Variants in AGBL1 observed in about 807,000 individuals in gnomAD.
The protein encoded by AGBL1 is AGBL carboxypeptidase 1, also known as cytosolic carboxypeptidase 4.
AGBL1 carries 130 observed loss-of-function variants against 118.9 expected under a neutral mutation model. That is an observed-to-expected ratio of 1.09 (90% CI 0.95 to 1.26). The LOEUF (loss-of-function observed/expected upper bound fraction) is 1.26. Ranked by LOEUF, AGBL1 falls within the 50% of genes most tolerant of loss-of-function variation. AGBL1 has a pLI of 0.00. For synonymous variants in AGBL1, 555 were observed against 478.9 expected, an observed-to-expected ratio of 1.16 and a Z score of -2.08; for missense variants, 1,584 against 1,298.1, an observed-to-expected ratio of 1.22 and a Z score of -3.38.
chr15:86,477,294 G>A (rs941612226), intron 18 of AGBL1, among the ~76,000 whole-genome samples: 1 of 152,066 alleles, frequency 6.6e-6, no homozygotes, highest in Non-Finnish European at 1.5e-5. Context: ...GAATCCAGGA[G>A]CTGGTTTTTT....
At chr15:86,414,761 C>G (rs1263831274) in intron 18 of AGBL1, among the ~76,000 whole-genome samples, 2 of 152,158 alleles carry the variant, frequency 1.3e-5, no homozygotes, top group African/African-American at 4.8e-5. Context: ...GATCACTCAA[C>G]TTGGGCAATG....
At chr15:86,826,333 G>A (rs1021341260) in intron 22 of AGBL1, among the ~76,000 whole-genome samples, 2 of 152,130 alleles carry the variant, frequency 1.3e-5, no homozygotes, top group African/African-American at 2.4e-5. Context: ...GGTAAAGTCC[G>A]AGGGATGCAG....
chr15:86,167,967 A>G (rs1410713476), intron 5 of AGBL1, among the ~76,000 whole-genome samples: 2 of 152,240 alleles, frequency 1.3e-5, no homozygotes, highest in Non-Finnish European at 2.9e-5. Flanking sequence ...GAATTAGTAG[A>G]GATCAGGTCT....
At chr15:86,949,970 A>T (rs117386016) in intron 23 of AGBL1, among the ~76,000 whole-genome samples, 1,526 of 152,176 alleles carry the variant, frequency 0.01, 10 homozygotes, top group Non-Finnish European at 0.015. Flanking sequence ...ATTACAGTGG[A>T]ATCAAGCTAT....
chr15:86,376,833 G>T (rs891933211), intron 17 of AGBL1, among the ~76,000 whole-genome samples: 2 of 152,226 alleles, frequency 1.3e-5, no homozygotes, highest in East Asian at 1.9e-4. Flanking sequence ...GGCACAGGGG[G>T]TCTCCTCTAT....
chr15:86,953,975 T>C (rs2080905268), intron 23 of AGBL1, among the ~76,000 whole-genome samples: 1 of 152,032 alleles, frequency 6.6e-6, no homozygotes, highest in Non-Finnish European at 1.5e-5. Flanking sequence ...CAACAAACAT[T>C]TGAAAAAATG....
At chr15:86,305,895 C>G (rs1204506390) in intron 17 of AGBL1, among the ~76,000 whole-genome samples, 1 of 152,160 alleles carries the variant, frequency 6.6e-6, no homozygotes, top group Non-Finnish European at 1.5e-5. Flanking sequence ...TCTGTGCTAC[C>G]ACTTTACACT....
At chr15:86,172,658 G>A (rs554747169) in intron 5 of AGBL1, among the ~76,000 whole-genome samples, 1 of 152,274 alleles carries the variant, frequency 6.6e-6, no homozygotes, top group South Asian at 2.1e-4. Context: ...ATCCATCCAT[G>A]TTGCTGCAAA....
At chr15:86,743,733 T>A (rs971345488) in intron 22 of AGBL1, among the ~76,000 whole-genome samples, 1 of 152,100 alleles carries the variant, frequency 6.6e-6, no homozygotes, top group Non-Finnish European at 1.5e-5. Context: ...CTGAAAAATA[T>A]CTGAGAGCTT....
At chr15:86,175,524 C>T (rs1436369142) in intron 5 of AGBL1, among the ~76,000 whole-genome samples, 1 of 151,336 alleles carries the variant, frequency 6.6e-6, no homozygotes. Context: ...CTTTATTATT[C>T]CTTTCTTTCT....
chr15:86,495,428 A>T (rs138002564), intron 18 of AGBL1, among the ~76,000 whole-genome samples: 2 of 150,238 alleles, frequency 1.3e-5, no homozygotes, highest in South Asian at 2.1e-4. Flanking sequence ...AAGAAATTTC[A>T]TTAAAAAAAC....
Position 86,390,660 on chromosome 15 carries a change from ATTT to A in AGBL1, c.2375-6682_2375-6680del, listed in dbSNP as rs756052402. ...AGGCAGAAAAGTTATATACTGTATG[ATTT>A]TTTTTTTTTTTTTTTTTTTTTTTGA... On this transcript the variant is annotated intron_variant, in intron 17 of 22. Coordinates refer to ENST00000614907, the MANE Select transcript of AGBL1 (RefSeq NM_001386094.1). Among the ~76,000 whole-genome samples, 23 of 75,474 alleles carry A rather than the reference ATTT, an allele frequency of 3.0e-4. No homozygotes were observed. In the East Asian group the frequency reaches 3.1e-3, roughly 10 times the overall value. 49.5% of individuals were successfully genotyped at this position (75,474 alleles called of 152,430 possible). A position where few individuals can be genotyped will look rare whatever the true frequency, so the allele number is the denominator to read the frequency against.
intron 5 of AGBL1, among the ~76,000 whole-genome samples, chr15:86,222,238 T>C (rs1158670453): frequency 2.0e-5 from 3 of 152,214 alleles, no homozygotes; most frequent in African/African-American, 7.2e-5. Flanking sequence ...TCCTGAATTC[T>C]GTATGATGTT....
intron 23 of AGBL1, among the ~76,000 whole-genome samples, chr15:86,932,679 A>C (rs2080619607): frequency 6.6e-6 from 1 of 152,172 alleles, no homozygotes; most frequent in African/African-American, 2.4e-5. Context: ...ATCGCTTTGC[A>C]ATGACATCAA....
In AGBL1 at chr15:86,381,971, C is replaced by T. The variant is rs72756233; in HGVS notation, c.2375-15395C>T. ...TTGGAAGAAATAGGAATGGAGAGGA[C>T]GGAAAATATCCAAAAGGTATTTAGG... On this transcript the variant is annotated intron_variant, in intron 17 of 22. Coordinates refer to ENST00000614907, the MANE Select transcript of AGBL1 (RefSeq NM_001386094.1). 5.6e-3 allele frequency among the ~76,000 whole-genome samples: 855 copies of T among 152,202 alleles called. 4 individuals carry two copies. The highest frequency in any genetic ancestry group is 9.5e-3 in the Non-Finnish European group (644 of 68,026).
chr15:87,024,520 A>G (rs556630656), intron 24 of AGBL1, among the ~76,000 whole-genome samples: 4 of 151,738 alleles, frequency 2.6e-5, no homozygotes, highest in South Asian at 4.2e-4. Flanking sequence ...AGGACCAGAC[A>G]GATTCCCAGA....
At chr15:86,306,651 T>A (rs939948859) in intron 17 of AGBL1, among the ~76,000 whole-genome samples, 3 of 152,198 alleles carry the variant, frequency 2.0e-5, no homozygotes, top group Non-Finnish European at 4.4e-5. Context: ...CTCTTTGATA[T>A]ACTGATTTCC....
At chr15:86,628,426 CATAGCACTG>C (rs2084919083) in intron 21 of AGBL1, among the ~76,000 whole-genome samples, 1 of 152,192 alleles carries the variant, frequency 6.6e-6, no homozygotes, top group Non-Finnish European at 1.5e-5. Flanking sequence ...TTACCTAGAA[CATAGCACTG>C]ATAGGCGCGT....
chr15:86,095,098 A>T (rs530956241), intron 1 of AGBL1, among the ~76,000 whole-genome samples: 2 of 124,454 alleles, frequency 1.6e-5, no homozygotes, highest in African/African-American at 1.1e-4. Context: ...ATGAATAGTC[A>T]GATGGAGAGG....
Sources: allele counts gnomAD v4.1 joint callset (sites outside exome capture counted in the v4.1 genomes callset), GRCh38; gene constraint gnomAD v4.1.1; transcripts MANE v1.5; gene names NCBI Gene and HGNC (gene_info 2026-07-23, HGNC 2026-07-21).